SLC18A2: variants seen among roughly 807,000 people sequenced by gnomAD.
The protein encoded by SLC18A2 is synaptic vesicular amine transporter.
SLC18A2 carries 33 observed loss-of-function variants against 59.2 expected under a neutral mutation model. That is an observed-to-expected ratio of 0.56 (90% CI 0.42 to 0.75). The LOEUF (loss-of-function observed/expected upper bound fraction) is 0.75. Ranked by LOEUF, SLC18A2 falls within the 30% of genes least tolerant of loss-of-function variation. The pLI is 0.00. For missense variants in SLC18A2, 569 were observed against 668.6 expected (o/e 0.85, Z 1.64); for synonymous variants, 228 against 253.5 (o/e 0.90, Z 0.95).
At position 117,244,300 on chromosome 10, in the gene SLC18A2, C is replaced by A. The variant is rs779409270; in HGVS notation, c.451C>A (p.Leu151Ile). ...VQLITNPFIGLLTNRIGYPIP... is the reference protein window; with the variant it reads ...VQLITNPFIGILTNRIGYPIP... ...GCTCATCACCAACCCTTTCATAGGA[C>A]TACTGACCAACAGGTAGGGCAGACT... Residue 151 changes from leucine to isoleucine, a missense_variant, in exon 3 of 16, where the codon CTA (leucine) becomes ATA (isoleucine). Leu to Ile is a conservative substitution (Grantham distance 5, BLOSUM62 2). This residue lies in a region of SLC18A2 where 377 missense variants were observed against 389.8 expected (regional missense o/e 0.97). Transcript: ENST00000644641. The A allele has an allele frequency of 6.2e-7, 1 of 1,613,732 alleles. No homozygotes were observed. Among genetic ancestry groups the A allele is most frequent in the Non-Finnish European group, 8.5e-7 (1 of 1,179,756 alleles).
In SLC18A2 at chr10:117,257,897, G is replaced by A. The variant is rs1331429936; in HGVS notation, c.991+5G>A. 6.3e-7 allele frequency: 1 copy of A among 1,597,812 alleles called. No individual in the cohort carries two copies. Among genetic ancestry groups the A allele is most frequent in the African/African-American group, 1.3e-5 (1 of 74,564 alleles). On this transcript the variant is annotated splice_donor_5th_base_variant and intron_variant, in intron 10 of 15. Transcript: ENST00000644641. ...GTTCCCGAAAGTGGCAGCTGGGTAA[G>A]GACTGGGGTGGGCTCTTCTGATTCA...
chr10:117,245,369 A>G (rs1437090184), intron 3 of SLC18A2, among the ~76,000 whole-genome samples: 1 of 152,176 alleles, frequency 6.6e-6, no homozygotes, highest in Non-Finnish European at 1.5e-5. Context: ...AGGGGAAACC[A>G]GGGCTGGGCT....
chr10:117,268,987 C>A (rs1844385354), intron 13 of SLC18A2, among the ~76,000 whole-genome samples: 1 of 50,236 alleles, frequency 2.0e-5, no homozygotes, highest in Non-Finnish European at 7.3e-5. Context: ...CACACACATT[C>A]ATACACACAA....
At chr10:117,270,614 A>G in intron 15 of SLC18A2, 151 bp downstream of exon 15, 1 of 809,964 alleles carries the variant, frequency 1.2e-6, no homozygotes, top group Non-Finnish European at 1.9e-6. Flanking sequence ...TACTTCTTTT[A>G]TTTTTTTATT....
At chr10:117,267,816 G>C in intron 13 of SLC18A2, 80 bp downstream of exon 13, 1 of 1,105,022 alleles carries the variant, frequency 9.0e-7, no homozygotes, top group Non-Finnish European at 1.3e-6. Flanking sequence ...GTAGACTGTA[G>C]TTCCTCAACC....
chr10:117,254,812 C>T (rs363417), intron 6 of SLC18A2, among the ~76,000 whole-genome samples: 10,440 of 152,200 alleles, frequency 0.069, 668 homozygotes, highest in East Asian at 0.16. Flanking sequence ...CACGGAGAAC[C>T]TTGCTTTCTG....
At chr10:117,270,650 T>G (rs1844414858) in intron 15 of SLC18A2, among the ~76,000 whole-genome samples, 187 bp downstream of exon 15, 1 of 152,254 alleles carries the variant, frequency 6.6e-6, no homozygotes, top group African/African-American at 2.4e-5. Flanking sequence ...TCTTTCAAGC[T>G]TATGTTTATA....
intron 3 of SLC18A2, among the ~76,000 whole-genome samples, chr10:117,245,349 C>G (rs1385968867): frequency 6.6e-6 from 1 of 152,072 alleles, no homozygotes; most frequent in African/African-American, 2.4e-5. Context: ...GAGGGTGGAA[C>G]TAAGGAGGCA....
chr10:117,255,328 C>T lies in SLC18A2; in HGVS notation c.752C>T (p.Pro251Leu), dbSNP rs771270405. 8.1e-6 allele frequency: 13 copies of T among 1,614,144 alleles called. No homozygotes were observed. The highest frequency in any genetic ancestry group is 6.7e-5 in the East Asian group (3 of 44,896). The change falls in exon 7 of 16, where the codon CCG becomes CTG. Residue 251 changes from proline (P) to leucine (L), a missense_variant. Pro to Leu is a moderately conservative substitution (Grantham distance 98). Coordinates refer to ENST00000644641, the MANE Select transcript of SLC18A2 (RefSeq NM_003054.6). ...VLYEFVGKTA[P>L]FLVLAALVLL... ...TATGAGTTTGTGGGGAAGACGGCTC[C>T]GTTCCTGGTGCTGGCCGCCCTGGTA...
At chr10:117,276,053 G>T (rs1207388773) in intron 15 of SLC18A2, among the ~76,000 whole-genome samples, 2 of 151,928 alleles carry the variant, frequency 1.3e-5, no homozygotes, top group Non-Finnish European at 2.9e-5. Flanking sequence ...CACTTTGGGA[G>T]GTTGAGGCAG....
chr10:117,252,238 C>T (rs1844171218), intron 3 of SLC18A2, among the ~76,000 whole-genome samples: 1 of 150,176 alleles, frequency 6.7e-6, no homozygotes, highest in Admixed American at 6.7e-5. Context: ...CCCACCTCGG[C>T]CTCCCAAAGT....
At chr10:117,250,128 G>C (rs904749416) in intron 3 of SLC18A2, among the ~76,000 whole-genome samples, 1 of 152,178 alleles carries the variant, frequency 6.6e-6, no homozygotes, top group African/African-American at 2.4e-5. Context: ...TGCCCGAGGG[G>C]CCAGAAGAGT....
At chr10:117,263,785 T>C (rs1430111298) in intron 10 of SLC18A2, among the ~76,000 whole-genome samples, 4 of 152,198 alleles carry the variant, frequency 2.6e-5, no homozygotes, top group African/African-American at 9.6e-5. Flanking sequence ...GGAGGCACAC[T>C]CTTGTCTTCT....
intron 3 of SLC18A2, 72 bp from the exon 4 acceptor site, chr10:117,253,327 G>T: frequency 8.7e-7 from 1 of 1,149,806 alleles, no homozygotes; most frequent in Non-Finnish European, 1.3e-6. Context: ...GGGTAGCCAG[G>T]CGAAAATCAA....
At chr10:117,262,614 C>G (rs575887054) in intron 10 of SLC18A2, among the ~76,000 whole-genome samples, 4 of 152,264 alleles carry the variant, frequency 2.6e-5, no homozygotes, top group South Asian at 2.1e-4. Flanking sequence ...GTGTGCACTG[C>G]TGAGTCCAGC....
At chr10:117,267,582 C>T (rs560259539) in intron 12 of SLC18A2, 91 bp from the exon 13 acceptor site, 92 of 950,454 alleles carry the variant, frequency 9.7e-5, no homozygotes, top group Non-Finnish European at 1.3e-4. Context: ...AGGCATACCA[C>T]GCTCAGAGAA....
intron 10 of SLC18A2, among the ~76,000 whole-genome samples, chr10:117,258,523 G>C (rs363249): frequency 1.3e-5 from 2 of 152,064 alleles, no homozygotes; most frequent in African/African-American, 4.8e-5. Context: ...TTGTGGCCAT[G>C]TTTCCGTGTC....
intron 3 of SLC18A2, among the ~76,000 whole-genome samples, chr10:117,250,297 G>A (rs918691020): frequency 2.0e-5 from 3 of 152,124 alleles, no homozygotes; most frequent in African/African-American, 4.8e-5. Context: ...CTGAGGAGGC[G>A]GCAACATGAG....
chr10:117,258,195 T>G (rs567123865), intron 10 of SLC18A2, among the ~76,000 whole-genome samples: 1 of 152,372 alleles, frequency 6.6e-6, no homozygotes, highest in South Asian at 2.1e-4. Context: ...ATAAAATTTA[T>G]GTGAAAGAGA....
Sources: gnomAD v4.1 joint callset for allele counts (sites outside exome capture counted in the v4.1 genomes callset) on GRCh38, gnomAD v4.1.1 for gene constraint, gnomAD v4.1.1 regional missense constraint, MANE v1.5 for transcripts, NCBI Gene and HGNC (gene_info 2026-07-23, HGNC 2026-07-21) for gene names.